Variants in PIEZO2 observed in about 807,000 individuals in gnomAD.
The protein encoded by PIEZO2 is piezo-type mechanosensitive ion channel component 2.
Under a neutral mutation model 337.3 loss-of-function variants are expected in PIEZO2, and 172 were observed. That is an observed-to-expected ratio of 0.51 (90% CI 0.45 to 0.58). PIEZO2 has a LOEUF of 0.58. PIEZO2 is among the 20% of genes least tolerant of loss of function. The pLI, the probability that PIEZO2 is intolerant of heterozygous loss-of-function variation, is 0.00. For missense variants in PIEZO2, 3,028 were observed against 3,391.3 expected, an observed-to-expected ratio of 0.89 and a Z score of 2.66; for synonymous variants, 1,251 against 1,228.5, an observed-to-expected ratio of 1.02 and a Z score of -0.38.
At chr18:11,095,071 C>T (rs1304929281) in intron 1 of PIEZO2, among the ~76,000 whole-genome samples, 1 of 152,254 alleles carries the variant, frequency 6.6e-6, no homozygotes, top group East Asian at 1.9e-4. Flanking sequence ...GCTCTCATTC[C>T]TGCCAGGGAG....
chr18:10,687,654 T>C (rs1047537267), intron 49 of PIEZO2, among the ~76,000 whole-genome samples: 5 of 152,142 alleles, frequency 3.3e-5, no homozygotes, highest in African/African-American at 1.2e-4. Flanking sequence ...TAGAAGAATG[T>C]GGTAGAAGCA....
chr18:10,714,483 T>C (rs1162437238), intron 39 of PIEZO2, among the ~76,000 whole-genome samples: 2 of 152,112 alleles, frequency 1.3e-5, no homozygotes, highest in Admixed American at 1.3e-4. Flanking sequence ...TTGGGAGGGA[T>C]CATTCTTCCT....
rs1598460723 is a variant in PIEZO2, at chr18:10,773,270, T to C, written c.2785+142A>G. The stretch of plus-strand genomic sequence containing the variant: ...GCAATTGGAACAGTAATATTATAAC[T>C]ATAGCAATCAAACAAAAACCACTCC... On this transcript the variant is annotated intron_variant, in intron 20 of 55. Coordinates refer to ENST00000674853, the MANE Select transcript of PIEZO2 (RefSeq NM_001378183.1). This position sits in a 1 kb window ranked among gnomAD's most constrained non-coding sequence, Gnocchi z 5.3. 6 of 791,992 alleles carry C rather than the reference T, an allele frequency of 7.6e-6. No homozygotes were observed. In the East Asian group the frequency reaches 8.0e-5, roughly 11 times the overall value. The allele number at this position is 791,992 out of a possible 1,614,324, so 49.1% of individuals were successfully genotyped here.
chr18:10,758,524 C>A lies in PIEZO2; in HGVS notation c.3758-390G>T, dbSNP rs553867340. The stretch of plus-strand genomic sequence containing the variant: ...GCAGTGGTGCGATCTTGGCTCACTG[C>A]AAGCCCCACCTCCTGGGTTCACACC... On this transcript the variant is annotated intron_variant, in intron 26 of 55. Transcript: ENST00000674853. 2.0e-5 allele frequency among the ~76,000 whole-genome samples: 3 copies of A among 152,222 alleles called. No homozygotes were observed. In the East Asian group the frequency reaches 5.8e-4, roughly 29 times the overall value.
intron 2 of PIEZO2, among the ~76,000 whole-genome samples, chr18:10,995,109 C>T (rs2035271608): frequency 1.7e-5 from 2 of 118,978 alleles, no homozygotes; most frequent in Admixed American, 1.6e-4. Context: ...AAAGCGTTCC[C>T]TGCTCATCAT....
At position 10,684,118 on chromosome 18, in the gene PIEZO2, T is replaced by TTCTCTCTCTC. The variant is rs1482632952; in HGVS notation, c.7498-1827_7498-1826insGAGAGAGAGA. 2.1e-5 allele frequency among the ~76,000 whole-genome samples: 3 copies of TTCTCTCTCTC among 142,474 alleles called. No individual in the cohort carries two copies. In the Admixed American group the frequency reaches 2.1e-4, roughly 10 times the overall value. 93.5% of individuals were successfully genotyped at this position (142,474 alleles called of 152,430 possible). On this transcript the variant is annotated intron_variant, in intron 49 of 55. Coordinates refer to ENST00000674853, the MANE Select transcript of PIEZO2 (RefSeq NM_001378183.1). ...CTTCTTTCTCTCTCTCTTTCTTTCT[T>TTCTCTCTCTC]TCTTTCTCTCTCTCTCTTTCTTTCT...
chr18:10,693,356 T>TGTGTGTGTGTGTGTGTGTGTG (rs2034937855), intron 47 of PIEZO2, among the ~76,000 whole-genome samples: 8 of 89,974 alleles, frequency 8.9e-5, no homozygotes, highest in Admixed American at 8.1e-4. Flanking sequence ...AATCTGGATT[T>TGTGTGTGTGTGTGTGTGTGTG]TGTGTGTGTG....
At position 10,888,585 on chromosome 18, in the gene PIEZO2, A is replaced by G. The variant is rs2042673277; in HGVS notation, c.330-17170T>C. 6.6e-6 allele frequency among the ~76,000 whole-genome samples: 1 copy of G among 152,040 alleles called. No homozygotes were observed. The highest frequency in any genetic ancestry group is 2.1e-4 in the South Asian group (1 of 4,814). ...TTTCCACACACACGCATATGCCTTTACAACTATTTCCATATCTTCTTGTGT... is the reference window on the plus strand; with the variant it reads ...TTTCCACACACACGCATATGCCTTTGCAACTATTTCCATATCTTCTTGTGT... On this transcript the variant is annotated intron_variant, in intron 4 of 55. Transcript: ENST00000674853. This position sits in a 1 kb window ranked among gnomAD's most constrained non-coding sequence, Gnocchi z 4.1.
At chr18:10,831,336 T>G (rs1010526297) in intron 7 of PIEZO2, among the ~76,000 whole-genome samples, 1 of 152,168 alleles carries the variant, frequency 6.6e-6, no homozygotes, top group Non-Finnish European at 1.5e-5. Context: ...ATGGTACTAT[T>G]CAACCATAAA....
At chr18:10,768,483 T>C (rs1253981405) in intron 21 of PIEZO2, among the ~76,000 whole-genome samples, 3 of 152,144 alleles carry the variant, frequency 2.0e-5, no homozygotes, top group Admixed American at 6.5e-5. Context: ...AAACCCCCCA[T>C]GCAGGTGGGG....
At chr18:10,782,714 T>C (rs2039074791) in intron 17 of PIEZO2, among the ~76,000 whole-genome samples, 1 of 151,384 alleles carries the variant, frequency 6.6e-6, no homozygotes, top group South Asian at 2.1e-4. Context: ...TCGGTACAGA[T>C]CATTTAGATC....
Position 10,783,817 on chromosome 18 carries a change from T to G in PIEZO2, c.2492+967A>C, listed in dbSNP as rs1172977071. On this transcript the variant is annotated intron_variant, in intron 17 of 55. Coordinates refer to ENST00000674853, the MANE Select transcript of PIEZO2 (RefSeq NM_001378183.1). The surrounding 1 kb of genome is among the most constrained non-coding windows in gnomAD (Gnocchi z 4.3). ...AGGATTATAAAATGTTTCTCATCAT[T>G]AAATAAATGTTTTGGGTCTATCCAT... Among the ~76,000 whole-genome samples the G allele has an allele frequency of 1.3e-5, 2 of 152,220 alleles. No homozygotes were observed. The highest frequency in any genetic ancestry group is 1.3e-4 in the Admixed American group (2 of 15,286).
At chr18:10,740,325 A>G (rs1403385855) in intron 33 of PIEZO2, 1 of 152,338 alleles carries the variant, frequency 6.6e-6, no homozygotes, top group Non-Finnish European at 1.5e-5. Flanking sequence ...ATCTGCTTTT[A>G]AAAATAGTTT....
intron 23 of PIEZO2, 61 bp from the exon 24 acceptor site, chr18:10,761,172 C>T: frequency 7.2e-7 from 1 of 1,384,332 alleles, no homozygotes; most frequent in South Asian, 1.2e-5. Context: ...TAATTTCAAG[C>T]AATCCCCACA....
intron 5 of PIEZO2, among the ~76,000 whole-genome samples, chr18:10,869,788 A>C (rs2042095033): frequency 6.6e-6 from 1 of 152,230 alleles, no homozygotes; most frequent in South Asian, 2.1e-4. Context: ...TTACTGTTAC[A>C]CCAAGCATCA....
rs188205890 is a variant in PIEZO2, at chr18:10,882,422, G to A, written c.330-11007C>T. ...GTTTCAAATCTTTTAATCTCAACTA[G>A]TAATATTTCAAAAACAACATTTGGG... On this transcript the variant is annotated intron_variant, in intron 4 of 55. Transcript: ENST00000674853. Among the ~76,000 whole-genome samples the A allele has an allele frequency of 7.2e-5, 11 of 152,196 alleles. No individual in the cohort carries two copies. The East Asian group carries it at 1.9e-3, about 27-fold the overall frequency.
intron 17 of PIEZO2, among the ~76,000 whole-genome samples, chr18:10,782,745 G>A (rs1186623143): frequency 6.6e-6 from 1 of 151,700 alleles, no homozygotes; most frequent in Non-Finnish European, 1.5e-5. Context: ...GCCATGGGGT[G>A]CAGGGTAAGG....
chr18:10,880,893 ATATATAT>A (rs2042399908), intron 4 of PIEZO2, among the ~76,000 whole-genome samples: 1 of 107,142 alleles, frequency 9.3e-6, no homozygotes, highest in Non-Finnish European at 2.0e-5. Context: ...ATATATATAT[ATATATAT>A]AATTTTGATA....
chr18:10,795,348 TTTA>T lies in PIEZO2; in HGVS notation c.1528-349_1528-347del, dbSNP rs201139320. ...TTTATTTTATTTTATTTTATTTTATTTTATTATTTTATTTTATTTTATTTTATT... is the reference window on the plus strand; with the variant it reads ...TTTATTTTATTTTATTTTATTTTATTTTATTTTATTTTATTTTATTTTATT... On this transcript the variant is annotated intron_variant, in intron 12 of 55. Coordinates refer to ENST00000674853, the MANE Select transcript of PIEZO2 (RefSeq NM_001378183.1). This position sits in a 1 kb window ranked among gnomAD's most constrained non-coding sequence, Gnocchi z 4.4. 0.66 allele frequency among the ~76,000 whole-genome samples: 73,086 copies of T among 110,504 alleles called. 20,366 individuals are homozygous for T. The highest frequency in any genetic ancestry group is 0.8 in the East Asian group (3,668 of 4,570). The allele number at this position is 110,504 out of a possible 152,430, so 72.5% of individuals were successfully genotyped here.
Sources: allele counts gnomAD v4.1 joint callset (sites outside exome capture counted in the v4.1 genomes callset), GRCh38; gene constraint gnomAD v4.1.1; non-coding constraint Gnocchi (gnomAD v3.1); transcripts MANE v1.5; gene names NCBI Gene and HGNC (gene_info 2026-07-23, HGNC 2026-07-21).